Variants in DCAF13 observed in about 807,000 individuals in gnomAD.
The protein encoded by DCAF13 is DDB1- and CUL4-associated factor 13.
A neutral mutation model predicts 59.0 loss-of-function variants in DCAF13; 38 were observed. That is an observed-to-expected ratio of 0.64 (90% confidence interval 0.50 to 0.84). DCAF13 has a LOEUF of 0.84. Ranked by LOEUF, DCAF13 falls within the 40% of genes least tolerant of loss-of-function variation. The pLI, the probability that DCAF13 is intolerant of heterozygous loss-of-function variation, is 0.00. For synonymous variants in DCAF13, 173 were observed against 175.0 expected (o/e 0.99, Z 0.09); for missense variants, 469 against 558.4 (o/e 0.84, Z 1.61).
rs746318456 is a variant in DCAF13 at position 103,420,376 on chromosome 8, G to T, written c.183G>T (p.Ser61=). 1.9e-6 allele frequency: 3 copies of T among 1,614,014 alleles called. No homozygotes were observed. Among genetic ancestry groups the T allele is most frequent in the South Asian group, 2.2e-5 (2 of 91,068 alleles). ...TATTTGCAAAACCATTCCTTGCTTC[G>T]CTGGATGGTCACCGTGATGGAGTCA... ...ERVFAKPFLA[S]LDGHRDGVNC... Residue 61 remains serine (S), a synonymous_variant, in exon 2 of 11, where the codon TCG becomes TCT. Transcript: ENST00000612750.
intron 5 of DCAF13, 138 bp from the exon 6 acceptor site, chr8:103,430,471 GGAT>G (rs1424958210): frequency 3.7e-6 from 2 of 534,012 alleles, no homozygotes; most frequent in African/African-American, 3.9e-5. Context: ...CTGAGATTAT[GGAT>G]GATTTATTGT....
chr8:103,437,155 A>G (rs1468612956), intron 8 of DCAF13, among the ~76,000 whole-genome samples: 1 of 152,078 alleles, frequency 6.6e-6, no homozygotes, highest in Non-Finnish European at 1.5e-5. Context: ...TGCTGCCTTG[A>G]TATTCTCCAA....
At chr8:103,432,168 G>A (rs1423483688) in intron 6 of DCAF13, among the ~76,000 whole-genome samples, 1 of 152,112 alleles carries the variant, frequency 6.6e-6, no homozygotes, top group Non-Finnish European at 1.5e-5. Context: ...ACATGTAGTG[G>A]GAGGTCCCTG....
Position 103,421,669 on chromosome 8 carries a change from C to T in DCAF13, c.378+587C>T, listed in dbSNP as rs150763154. ...GTGATTTTGACTATTCTGGGTACCTCATATAAATAGAAGCATATTTTAAAG... is the reference window on the plus strand; with the variant it reads ...GTGATTTTGACTATTCTGGGTACCTTATATAAATAGAAGCATATTTTAAAG... On this transcript the variant is annotated intron_variant, in intron 3 of 10. Transcript: ENST00000612750. Among the ~76,000 whole-genome samples, 26 of 152,288 alleles carry T rather than the reference C, an allele frequency of 1.7e-4. No homozygotes were observed. In the East Asian group the frequency reaches 4.8e-3, roughly 28 times the overall value.
intron 1 of DCAF13, 82 bp downstream of exon 1, chr8:103,415,598 G>A (rs989545622): frequency 1.7e-5 from 23 of 1,365,970 alleles, no homozygotes; most frequent in Admixed American, 2.2e-5. Context: ...TAAAGCCGGG[G>A]GAGGCTGGCA....
At chr8:103,420,751 G>A in intron 2 of DCAF13, 2 of 580,108 alleles carry the variant, frequency 3.4e-6, no homozygotes, top group Non-Finnish European at 6.0e-6. Context: ...TTCCTACTAT[G>A]GCAAGTGAAA....
intron 5 of DCAF13, chr8:103,428,494 T>C (rs969681314): frequency 2.6e-5 from 4 of 152,214 alleles, no homozygotes; most frequent in African/African-American, 7.2e-5. Flanking sequence ...AGAAAAAGTT[T>C]TCTGATTCCT....
rs535213813 is a variant in DCAF13, at chr8:103,432,841, A to G, written c.785+100A>G. ...TATATACCACTAGGTAGGTATACCTATAAAGTTTGAAAACTGTCATCTGTT... is the reference window on the plus strand; with the variant it reads ...TATATACCACTAGGTAGGTATACCTGTAAAGTTTGAAAACTGTCATCTGTT... On this transcript the variant is annotated intron_variant, in intron 7 of 10. Coordinates refer to ENST00000612750, the MANE Select transcript of DCAF13 (RefSeq NM_015420.7). The G allele has an allele frequency of 2.9e-5, 19 of 658,086 alleles. No individual in the cohort carries two copies. The East Asian group carries it at 5.0e-4, about 17-fold the overall frequency. 40.8% of individuals were successfully genotyped at this position (658,086 alleles called of 1,614,324 possible).
Position 103,440,102 on chromosome 8 carries a change from T to A in DCAF13, c.951-34T>A, listed in dbSNP as rs78879352. ...TGGTTACTCAAAATCTGTACCAAAA[T>A]CCAAAGGGTTTTAACTTAATTCGTT... On this transcript the variant is annotated intron_variant, in intron 8 of 10. Coordinates refer to ENST00000612750, the MANE Select transcript of DCAF13 (RefSeq NM_015420.7). The A allele has an allele frequency of 1.8e-3, 2,675 of 1,504,740 alleles. 48 individuals carry two copies. In the African/African-American group the frequency reaches 0.034, roughly 19 times the overall value. The allele number at this position is 1,504,740 out of a possible 1,614,324, so 93.2% of individuals were successfully genotyped here. A position where few individuals can be genotyped will look rare whatever the true frequency, so the allele number is the denominator to read the frequency against.
chr8:103,415,658 C>G, intron 1 of DCAF13, 142 bp downstream of exon 1: 1 of 776,048 alleles, frequency 1.3e-6, no homozygotes, highest in Non-Finnish European at 2.0e-6. Flanking sequence ...AAACTTTGTG[C>G]TTACGGAGTC....
chr8:103,417,387 A>G (rs929304828), intron 1 of DCAF13, among the ~76,000 whole-genome samples: 4 of 152,164 alleles, frequency 2.6e-5, no homozygotes, highest in African/African-American at 9.7e-5. Context: ...TATGCCTGTA[A>G]TCCCAGCACT....
chr8:103,436,584 A>T (rs1816937850), intron 8 of DCAF13, among the ~76,000 whole-genome samples: 1 of 152,120 alleles, frequency 6.6e-6, no homozygotes, highest in Non-Finnish European at 1.5e-5. Context: ...TTATACATCT[A>T]TTATATCTTA....
chr8:103,419,719 A>T (rs1265157905), intron 1 of DCAF13, among the ~76,000 whole-genome samples: 1 of 152,148 alleles, frequency 6.6e-6, no homozygotes, highest in African/African-American at 2.4e-5. Context: ...ACTAGGACAT[A>T]TAAAAGGGAG....
intron 1 of DCAF13, among the ~76,000 whole-genome samples, chr8:103,418,759 G>A (rs961327155): frequency 1.5e-5 from 2 of 132,478 alleles, no homozygotes; most frequent in African/African-American, 2.8e-5. Context: ...GTAAGAAGAT[G>A]CATTTACTTT....
chr8:103,441,722 TA>T (rs1817013107), intron 10 of DCAF13, 104 bp downstream of exon 10: 3 of 1,070,754 alleles, frequency 2.8e-6, no homozygotes, highest in Non-Finnish European at 4.2e-6. Flanking sequence ...TATGTGCTAT[TA>T]TTTAATAGTA....
chr8:103,427,110 G>T lies in DCAF13; in HGVS notation c.482G>T (p.Gly161Val). Reference sequence around the variant, plus strand: ...TTGCTTTTAAAGACAGTGTATACTGGGATTGATCATCACTGGAAAGAAGCT... The same window carrying T: ...TTGCTTTTAAAGACAGTGTATACTGTGATTGATCATCACTGGAAAGAAGCT... The part of the protein sequence containing the change: ...HTILGKTVYT[G>V]IDHHWKEAVF... The change falls in exon 5 of 11, where the codon GGG becomes GTG. Residue 161 changes from glycine to valine, a missense_variant. By Grantham distance (109) the Gly-to-Val change is moderately radical. Around this residue, in one of 3 missense-constraint regions of DCAF13, gnomAD observed 355 missense variants for 399.1 expected, o/e 0.89. Transcript: ENST00000612750. 6.2e-7 allele frequency: 1 copy of T among 1,612,146 alleles called. No individual in the cohort carries two copies. Among genetic ancestry groups the T allele is most frequent in the South Asian group, 1.1e-5 (1 of 90,872 alleles).
intron 7 of DCAF13, among the ~76,000 whole-genome samples, chr8:103,434,199 C>G (rs928814973): frequency 6.6e-6 from 1 of 151,992 alleles, no homozygotes; most frequent in Non-Finnish European, 1.5e-5. Context: ...AACCTAAGTT[C>G]AAGTCTAGGC....
At position 103,430,515 on chromosome 8, in the gene DCAF13, A is replaced by G. The variant is rs1457062598; in HGVS notation, c.625-97A>G. ...CTTAAAATGGACTTTGTTTTTTAAC[A>G]TAAATATTAAGGGCAATTAAATCAT... On this transcript the variant is annotated intron_variant, in intron 5 of 10. Coordinates refer to ENST00000612750, the MANE Select transcript of DCAF13 (RefSeq NM_015420.7). 40 of 769,984 alleles carry G rather than the reference A, an allele frequency of 5.2e-5. No homozygotes were observed. The South Asian group carries it at 6.2e-4, about 12-fold the overall frequency. 47.7% of individuals were successfully genotyped at this position (769,984 alleles called of 1,614,324 possible).
intron 10 of DCAF13, chr8:103,442,513 T>G (rs1463414899): frequency 8.9e-6 from 2 of 224,430 alleles, no homozygotes; most frequent in African/African-American, 4.5e-5. Flanking sequence ...TTTTTTTCTG[T>G]CTTTGGGTAG....
Sources: gnomAD v4.1 joint callset for allele counts (sites outside exome capture counted in the v4.1 genomes callset) on GRCh38, gnomAD v4.1.1 for gene constraint, gnomAD v4.1.1 regional missense constraint, MANE v1.5 for transcripts, NCBI Gene and HGNC (gene_info 2026-07-23, HGNC 2026-07-21) for gene names.